The following SLC35D4 variants were observed in gnomAD, a reference collection of about 807,000 sequenced individuals.
SLC35D4 encodes UDP-N-acetylglucosamine transporter SLC35D4.
the SLC35D4 span, among the ~76,000 whole-genome samples, chr18:23,308,104 GA>G: frequency 1.5e-4 from 23 of 152,306 alleles, no homozygotes; most frequent in Admixed American, 2.6e-4. Context: ...AAGGCGACAG[GA>G]AAAAGCTAGC....
the SLC35D4 span, among the ~76,000 whole-genome samples, chr18:23,435,748 C>T: frequency 9.2e-4 from 140 of 152,280 alleles, no homozygotes; most frequent in Non-Finnish European, 1.6e-3. Context: ...AGGCTGCAGG[C>T]GCAGTGGCGT....
the SLC35D4 span, among the ~76,000 whole-genome samples, chr18:23,264,148 G>C: frequency 6.6e-6 from 1 of 152,194 alleles, no homozygotes; most frequent in African/African-American, 2.4e-5. Context: ...GAGAGTTCTT[G>C]CATTGCTATA....
At chr18:23,432,905 G>A in the SLC35D4 span, among the ~76,000 whole-genome samples, 1 of 150,526 alleles carries the variant, frequency 6.6e-6, no homozygotes, top group South Asian at 2.1e-4. Flanking sequence ...ACTTAAGCAT[G>A]GGAGGCAGAG....
the SLC35D4 span, among the ~76,000 whole-genome samples, chr18:23,435,553 T>G: frequency 3.9e-5 from 6 of 152,222 alleles, no homozygotes; most frequent in Non-Finnish European, 8.8e-5. Flanking sequence ...ACTTGTCCCA[T>G]GAGAAGAAAA....
the SLC35D4 span, among the ~76,000 whole-genome samples, chr18:23,333,970 G>A: frequency 6.6e-6 from 1 of 152,166 alleles, no homozygotes. Context: ...TCTGCTAGGT[G>A]CTGGGGATGT....
the SLC35D4 span, chr18:23,421,579 C>T: frequency 4.0e-4 from 281 of 696,676 alleles, no homozygotes; most frequent in Admixed American, 1.2e-3. Context: ...CTACTCTCTC[C>T]CAATTATCCC....
the SLC35D4 span, among the ~76,000 whole-genome samples, chr18:23,240,731 C>T: frequency 6.6e-6 from 1 of 152,246 alleles, no homozygotes; most frequent in South Asian, 2.1e-4. Context: ...GCCCCCAGGG[C>T]AGTCCAATGT....
chr18:23,338,341 A>G, the SLC35D4 span, among the ~76,000 whole-genome samples: 1,515 of 152,326 alleles, frequency 9.9e-3, 23 homozygotes, highest in African/African-American at 0.036. Context: ...AGTGAATACA[A>G]ACAGTAAATT....
chr18:23,351,693 A>G, the SLC35D4 span, among the ~76,000 whole-genome samples: 1 of 152,156 alleles, frequency 6.6e-6, no homozygotes, highest in Non-Finnish European at 1.5e-5. Context: ...AGTTGGCCCC[A>G]CCATGTTTCA....
the SLC35D4 span, chr18:23,252,889 G>T: frequency 9.8e-7 from 1 of 1,020,792 alleles, no homozygotes; most frequent in East Asian, 2.5e-5. Context: ...TAAGTTGGTC[G>T]TAGTTGGTGC....
At chr18:23,339,391 G>A in the SLC35D4 span, among the ~76,000 whole-genome samples, 2 of 152,204 alleles carry the variant, frequency 1.3e-5, no homozygotes, top group Admixed American at 6.5e-5. Context: ...GCTTTATTAA[G>A]TAGGCACTGA....
At chr18:23,431,174 A>G in the SLC35D4 span, among the ~76,000 whole-genome samples, 1 of 150,284 alleles carries the variant, frequency 6.7e-6, no homozygotes, top group African/African-American at 2.4e-5. Context: ...AAAAAAAAAA[A>G]AAAAGTAAAG....
At chr18:23,387,396 G>A in the SLC35D4 span, among the ~76,000 whole-genome samples, 1 of 152,152 alleles carries the variant, frequency 6.6e-6, no homozygotes, top group Non-Finnish European at 1.5e-5. Context: ...GCCTGGAGCT[G>A]CCAAGAGGAA....
chr18:23,305,211 T>G, the SLC35D4 span, among the ~76,000 whole-genome samples: 1 of 152,236 alleles, frequency 6.6e-6, no homozygotes, highest in Non-Finnish European at 1.5e-5. Context: ...GAATTAGGAC[T>G]GTCTTGTCCT....
the SLC35D4 span, among the ~76,000 whole-genome samples, chr18:23,412,384 C>T: frequency 6.6e-6 from 1 of 152,168 alleles, no homozygotes; most frequent in South Asian, 2.1e-4. Context: ...AATACTAATA[C>T]CTTACAAATG....
the SLC35D4 span, among the ~76,000 whole-genome samples, chr18:23,363,652 G>A: frequency 6.6e-6 from 1 of 152,104 alleles, no homozygotes. Flanking sequence ...GGGATTACAG[G>A]CGTGAGTCAC....
chr18:23,306,715 T>C, the SLC35D4 span, among the ~76,000 whole-genome samples: 2 of 152,206 alleles, frequency 1.3e-5, no homozygotes, highest in Non-Finnish European at 1.5e-5. Context: ...ATTCCAAAAT[T>C]TGCCTGCACT....
chr18:23,276,274 C>G, the SLC35D4 span, among the ~76,000 whole-genome samples: 86 of 152,070 alleles, frequency 5.7e-4, no homozygotes, highest in South Asian at 1.2e-3. Flanking sequence ...ACTTTTAGTA[C>G]AGATGGGGTT....
At chr18:23,267,873 T>C in the SLC35D4 span, among the ~76,000 whole-genome samples, 4 of 151,850 alleles carry the variant, frequency 2.6e-5, no homozygotes, top group African/African-American at 7.3e-5. Flanking sequence ...CTGAACAGAG[T>C]CCCCCTCTCA....
Sources: allele counts gnomAD v4.1 joint callset (sites outside exome capture counted in the v4.1 genomes callset), GRCh38; gene constraint gnomAD v4.1.1; transcripts MANE v1.5; gene names NCBI Gene and HGNC (gene_info 2026-07-23, HGNC 2026-07-21).